GNA15: variants seen among roughly 807,000 people sequenced by gnomAD.
The protein encoded by GNA15 is guanine nucleotide-binding protein subunit alpha-15.
GNA15 carries 23 observed loss-of-function variants against 40.1 expected under a neutral mutation model. The observed-to-expected ratio is 0.57, with a 90% CI of 0.41 to 0.81. The LOEUF (loss-of-function observed/expected upper bound fraction) is 0.81. GNA15 is among the 40% of genes least tolerant of loss of function. The pLI is 0.00. For missense variants in GNA15, 522 were observed against 515.8 expected (o/e 1.01, Z -0.12); for synonymous variants, 226 against 210.4 (o/e 1.07, Z -0.64).
At chr19:3,142,400 C>T (rs1337217195) in intron 1 of GNA15, 6 of 152,032 alleles carry the variant, frequency 3.9e-5, no homozygotes, top group Non-Finnish European at 5.9e-5. Flanking sequence ...AAATCTGTGT[C>T]GCGGGTGGCA....
intron 1 of GNA15, among the ~76,000 whole-genome samples, chr19:3,145,550 T>C: frequency 1.0e-5 from 1 of 99,946 alleles, no homozygotes. Flanking sequence ...TGGTACCTTT[T>C]TTTATTTTTT....
intron 1 of GNA15, chr19:3,146,580 T>C (rs1914725929): frequency 6.6e-6 from 1 of 152,124 alleles, no homozygotes; most frequent in Non-Finnish European, 1.5e-5. Flanking sequence ...TTTTGTACCA[T>C]CTGTCAGCAA....
chr19:3,150,132 A>T lies in GNA15; in HGVS notation c.332A>T (p.His111Leu), dbSNP rs200110632. 1.6e-4 allele frequency: 254 copies of T among 1,612,056 alleles called. 2 individuals are homozygous for T. In the East Asian group the frequency reaches 5.6e-3, roughly 36 times the overall value. Reference protein sequence around the residue: ...QIPFSRPESKHHASLVMSQDP... With the variant: ...QIPFSRPESKLHASLVMSQDP... ...ACTGCCCCCGTCCTCCCTCCCCAGC[A>T]CCACGCTAGCCTGGTCATGAGCCAG... The change falls in exon 3 of 7, where the codon CAC becomes CTC. Residue 111 changes from histidine to leucine, a missense_variant and splice_region_variant. Transcript: ENST00000262958.
intron 4 of GNA15, among the ~76,000 whole-genome samples, chr19:3,153,617 G>A (rs1169284950): frequency 1.3e-5 from 2 of 151,264 alleles, no homozygotes; most frequent in Non-Finnish European, 3.0e-5. Context: ...GGGTAGATGG[G>A]TGGAAGGGTG....
rs1341896522 is a variant in GNA15, at chr19:3,136,445, C to T, written c.-6C>T. The T allele has an allele frequency of 7.1e-6, 11 of 1,548,202 alleles. No individual in the cohort carries two copies. The highest frequency in any genetic ancestry group is 2.4e-5 in the South Asian group (2 of 83,928). On this transcript the variant is annotated 5_prime_UTR_variant, in exon 1 of 7. Transcript: ENST00000262958. The surrounding 1 kb of genome is among the most constrained non-coding windows in gnomAD (Gnocchi z 4.9). ...GCCACCCGGTGCCGACTGAGGCCAC[C>T]GCACCATGGCCCGCTCGCTGACCTG...
intron 1 of GNA15, among the ~76,000 whole-genome samples, chr19:3,144,754 T>G (rs1188005245): frequency 6.6e-6 from 1 of 151,764 alleles, no homozygotes; most frequent in Non-Finnish European, 1.5e-5. Context: ...GGTCTCGATC[T>G]CCTGACCTCG....
At chr19:3,145,805 C>T (rs1298554413) in intron 1 of GNA15, among the ~76,000 whole-genome samples, 1 of 150,888 alleles carries the variant, frequency 6.6e-6, no homozygotes, top group African/African-American at 2.4e-5. Flanking sequence ...ACCTCAGCCT[C>T]CCAAAGTGCG....
intron 4 of GNA15, among the ~76,000 whole-genome samples, chr19:3,152,588 A>G (rs2144856043): frequency 6.6e-6 from 1 of 152,244 alleles, no homozygotes; most frequent in Non-Finnish European, 1.5e-5. Flanking sequence ...AACCCAGCAG[A>G]GCAATGGCCA....
At chr19:3,149,816 C>A in intron 2 of GNA15, 1 of 256,392 alleles carries the variant, frequency 3.9e-6, no homozygotes, top group Non-Finnish European at 7.5e-6. Flanking sequence ...CTGTGAGTGC[C>A]GTGCTTCCTG....
Position 3,150,142 on chromosome 19 carries a change from C to G in GNA15, c.342C>G (p.Ser114Arg), listed in dbSNP as rs772040139. 1 of 1,613,202 alleles carries G rather than the reference C, an allele frequency of 6.2e-7. No homozygotes were observed. The highest frequency in any genetic ancestry group is 8.5e-7 in the Non-Finnish European group (1 of 1,179,850). ...TCCTCCCTCCCCAGCACCACGCTAG[C>G]CTGGTCATGAGCCAGGACCCCTATA... ...FSRPESKHHA[S>R]LVMSQDPYKV... The change falls in exon 3 of 7, where the codon AGC becomes AGG. Residue 114 changes from serine (S) to arginine (R), a missense_variant. Transcript: ENST00000262958.
chr19:3,153,672 T>G, intron 4 of GNA15, among the ~76,000 whole-genome samples: 1 of 138,128 alleles, frequency 7.2e-6, no homozygotes, highest in African/African-American at 2.8e-5. Context: ...GAAGGATGGA[T>G]GGATGAGTGG....
intron 6 of GNA15, among the ~76,000 whole-genome samples, chr19:3,158,275 T>C (rs1000868163): frequency 6.6e-6 from 1 of 151,790 alleles, no homozygotes; most frequent in African/African-American, 2.4e-5. Flanking sequence ...TCAGCCTCCC[T>C]AGTAGCTGGA....
In GNA15 at chr19:3,162,892, G is replaced by A; in HGVS notation, c.998G>A (p.Gly333Asp). The part of the protein sequence containing the change: ...CVDGPEGSKK[G>D]ARSRRLFSHY... ...GACGGCCCCGAGGGCAGCAAGAAGG[G>A]CGCACGATCCCGACGCCTCTTCAGC... The change falls in exon 7 of 7, where the codon GGC (glycine) becomes GAC (aspartate). Residue 333 changes from glycine to aspartate, a missense_variant. Physicochemically the swap from Gly to Asp is moderately conservative, Grantham distance 94. Coordinates refer to ENST00000262958, the MANE Select transcript of GNA15 (RefSeq NM_002068.4). The A allele has an allele frequency of 3.1e-6, 5 of 1,613,902 alleles. No individual in the cohort carries two copies. The highest frequency in any genetic ancestry group is 4.2e-6 in the Non-Finnish European group (5 of 1,179,802).
intron 1 of GNA15, among the ~76,000 whole-genome samples, chr19:3,147,887 CAAA>C (rs369228868): frequency 5.6e-5 from 6 of 107,530 alleles, no homozygotes; most frequent in East Asian, 2.8e-4. Context: ...GACTCCATCT[CAAA>C]AAAAAAAAAA....
intron 5 of GNA15, among the ~76,000 whole-genome samples, chr19:3,156,242 AAC>A (rs1200442559): frequency 6.6e-6 from 1 of 150,400 alleles, no homozygotes; most frequent in Non-Finnish European, 1.5e-5. Context: ...CATGCACACA[AAC>A]ACGCACAGAC....
chr19:3,162,587 C>T (rs951535280), intron 6 of GNA15, among the ~76,000 whole-genome samples: 5 of 152,206 alleles, frequency 3.3e-5, no homozygotes, highest in Admixed American at 2.0e-4. Flanking sequence ...TCACATGACT[C>T]GTGTGAGACA....
chr19:3,158,194 G>A (rs140174206), intron 6 of GNA15, among the ~76,000 whole-genome samples: 1 of 152,260 alleles, frequency 6.6e-6, no homozygotes, highest in Non-Finnish European at 1.5e-5. Context: ...TCTGTCACCA[G>A]GCTGGAGTGC....
chr19:3,155,694 C>T lies in GNA15; in HGVS notation c.615-129C>T, dbSNP rs1716945299. On this transcript the variant is annotated intron_variant, in intron 4 of 6. Transcript: ENST00000262958. This position sits in a 1 kb window ranked among gnomAD's most constrained non-coding sequence, Gnocchi z 5.6. ...CCTCGCGGGAATGACATGGCAAATC[C>T]ACGAGAGGCTAGCACCTATTCTTGC... 1 of 1,076,882 alleles carries T rather than the reference C, an allele frequency of 9.3e-7. No homozygotes were observed. Among genetic ancestry groups the T allele is most frequent in the Admixed American group, 2.3e-5 (1 of 43,632 alleles). 66.7% of individuals were successfully genotyped at this position (1,076,882 alleles called of 1,614,324 possible).
In GNA15 at chr19:3,148,680, C is replaced by A; in HGVS notation, c.235C>A (p.Arg79=). The A allele has an allele frequency of 6.3e-7, 1 of 1,595,388 alleles. No individual in the cohort carries two copies. The highest frequency in any genetic ancestry group is 2.3e-5 in the East Asian group (1 of 44,062). ...CTCGGAGGAGGAGCGCAAGGGCTTC[C>A]GGCCCCTGGTCTACCAGAACATCTT... The part of the protein sequence containing the change: ...GYSEEERKGF[R]PLVYQNIFVS... The change falls in exon 2 of 7, where the codon CGG becomes AGG. Residue 79 remains arginine, a synonymous_variant. Transcript: ENST00000262958.
Sources: allele counts gnomAD v4.1 joint callset (sites outside exome capture counted in the v4.1 genomes callset), GRCh38; gene constraint gnomAD v4.1.1; non-coding constraint Gnocchi (gnomAD v3.1); transcripts MANE v1.5; gene names NCBI Gene and HGNC (gene_info 2026-07-23, HGNC 2026-07-21).